ITCH: variants seen among roughly 807,000 people sequenced by gnomAD.
ITCH encodes the protein itchy E3 ubiquitin protein ligase, also known as E3 ubiquitin-protein ligase Itchy homolog.
ITCH carries 28 observed loss-of-function variants against 126.8 expected under a neutral mutation model. The observed-to-expected ratio is 0.22, with a 90% CI of 0.16 to 0.30. The LOEUF (loss-of-function observed/expected upper bound fraction) is 0.30. ITCH is among the 10% of genes least tolerant of loss of function. The pLI, the probability that ITCH is intolerant of heterozygous loss-of-function variation, is 1.00. For synonymous variants in ITCH, 342 were observed against 340.0 expected (o/e 1.01, Z -0.06); for missense variants, 631 against 1,032.4 (o/e 0.61, Z 5.33).
chr20:34,409,367 G>A (rs756084909), intron 4 of ITCH, among the ~76,000 whole-genome samples: 42 of 151,706 alleles, frequency 2.8e-4, no homozygotes, highest in Admixed American at 4.6e-4. Flanking sequence ...CAGTTTTTTA[G>A]TATTTTAAAT....
intron 2 of ITCH, among the ~76,000 whole-genome samples, chr20:34,379,218 G>T (rs1448970689): frequency 6.6e-6 from 1 of 152,022 alleles, no homozygotes; most frequent in South Asian, 2.1e-4. Context: ...GGAGAATGGG[G>T]TGTGTTCATT....
At chr20:34,389,149 T>G (rs940170909) in intron 2 of ITCH, among the ~76,000 whole-genome samples, 2 of 152,132 alleles carry the variant, frequency 1.3e-5, no homozygotes, top group Non-Finnish European at 2.9e-5. Flanking sequence ...TATTTTCAAT[T>G]GGTGTTTTTT....
intron 7 of ITCH, among the ~76,000 whole-genome samples, chr20:34,425,483 A>G (rs1453861986): frequency 1.3e-5 from 2 of 152,152 alleles, no homozygotes; most frequent in Admixed American, 6.5e-5. Flanking sequence ...GATAAGAGGA[A>G]GGTTTCTATC....
intron 20 of ITCH, among the ~76,000 whole-genome samples, chr20:34,487,345 A>G (rs1989203042): frequency 6.6e-6 from 1 of 152,080 alleles, no homozygotes; most frequent in Non-Finnish European, 1.5e-5. Flanking sequence ...TCTCTACTTT[A>G]TAATTGGAGT....
intron 16 of ITCH, among the ~76,000 whole-genome samples, 176 bp downstream of exon 16, chr20:34,471,691 TGTGTGTG>T (rs1987641846): frequency 6.8e-6 from 1 of 147,504 alleles, no homozygotes; most frequent in South Asian, 2.2e-4. Context: ...TGTGTGTGTG[TGTGTGTG>T]TGTGTGTGTG....
At chr20:34,370,235 G>T (rs1226386374) in intron 2 of ITCH, among the ~76,000 whole-genome samples, 1 of 152,030 alleles carries the variant, frequency 6.6e-6, no homozygotes, top group African/African-American at 2.4e-5. Flanking sequence ...ATTTAATCTT[G>T]CCAGACCTCA....
chr20:34,476,319 C>T (rs1369068203), intron 16 of ITCH: 29 of 1,093,560 alleles, frequency 2.7e-5, no homozygotes, highest in East Asian at 4.9e-5. Context: ...ACACGCTCAG[C>T]GGCCGGCTCG....
chr20:34,476,337 G>A (rs982762778), intron 16 of ITCH: 101 of 1,274,854 alleles, frequency 7.9e-5, no homozygotes, highest in Non-Finnish European at 1.0e-4. Flanking sequence ...TCGCCTCCGC[G>A]CTCCGGCCCG....
intron 23 of ITCH, among the ~76,000 whole-genome samples, chr20:34,499,122 C>T (rs113222154): frequency 0.016 from 2,412 of 151,764 alleles, 63 homozygotes; most frequent in African/African-American, 0.056. Flanking sequence ...CTACAGGCGC[C>T]TGCCACCATG....
At chr20:34,489,764 G>A (rs1989382719) in intron 21 of ITCH, 58 bp from the exon 22 acceptor site, 9 of 1,122,246 alleles carry the variant, frequency 8.0e-6, no homozygotes, top group Middle Eastern at 2.1e-4. Context: ...TCTTTCCTAT[G>A]TCCAGCTGTT....
At chr20:34,489,497 G>A in intron 21 of ITCH, 111 bp downstream of exon 21, 2 of 1,069,230 alleles carry the variant, frequency 1.9e-6, no homozygotes, top group Non-Finnish European at 2.8e-6. Flanking sequence ...TTTTATACTG[G>A]GGCAAAATGT....
rs1243020452 is a variant in ITCH, at chr20:34,511,653, G to C, written c.*3859G>C. Among the ~76,000 whole-genome samples, 2 of 152,202 alleles carry C rather than the reference G, an allele frequency of 1.3e-5. No individual in the cohort carries two copies. The highest frequency in any genetic ancestry group is 2.9e-5 in the Non-Finnish European group (2 of 68,032). On this transcript the variant is annotated 3_prime_UTR_variant, in exon 25 of 25. Transcript: ENST00000374864. Reference sequence around the variant, plus strand: ...GTTTATTTCTGTAACCAGGTATGGGGAGAAAGCCTGGAAATGATCCCAAGA... The same window carrying C: ...GTTTATTTCTGTAACCAGGTATGGGCAGAAAGCCTGGAAATGATCCCAAGA...
chr20:34,429,931 A>T (rs997139195), intron 7 of ITCH, among the ~76,000 whole-genome samples: 5 of 152,344 alleles, frequency 3.3e-5, no homozygotes, highest in African/African-American at 1.2e-4. Flanking sequence ...GGAGGGAAGA[A>T]GGAATTCTAA....
At chr20:34,425,424 G>A (rs561632739) in intron 7 of ITCH, among the ~76,000 whole-genome samples, 1 of 152,148 alleles carries the variant, frequency 6.6e-6, no homozygotes, top group African/African-American at 2.4e-5. Context: ...CCTGTGAAGG[G>A]TCTGTGCTGA....
At chr20:34,497,005 CT>C (rs111749955) in intron 23 of ITCH, among the ~76,000 whole-genome samples, 1 of 149,966 alleles carries the variant, frequency 6.7e-6, no homozygotes. Flanking sequence ...AATGATTGTT[CT>C]TTTTTTTTGA....
At chr20:34,394,319 T>A (rs780471980) in intron 3 of ITCH, among the ~76,000 whole-genome samples, 1 of 152,064 alleles carries the variant, frequency 6.6e-6, no homozygotes, top group Admixed American at 6.6e-5. Flanking sequence ...TATATAGATA[T>A]GTAATTTTTA....
intron 13 of ITCH, among the ~76,000 whole-genome samples, chr20:34,458,043 A>G (rs958322410): frequency 1.3e-5 from 2 of 152,184 alleles, no homozygotes; most frequent in South Asian, 4.1e-4. Context: ...CTAAGAACAG[A>G]TTAGTGATTC....
intron 7 of ITCH, among the ~76,000 whole-genome samples, chr20:34,435,208 G>C (rs1274735809): frequency 2.0e-5 from 3 of 149,618 alleles, no homozygotes; most frequent in Non-Finnish European, 4.4e-5. Context: ...TTGCTCTGTT[G>C]CCCAGGCTGG....
At chr20:34,435,098 CAA>C (rs994852469) in intron 7 of ITCH, among the ~76,000 whole-genome samples, 1 of 151,996 alleles carries the variant, frequency 6.6e-6, no homozygotes, top group African/African-American at 2.4e-5. Flanking sequence ...ACTAGGTTGT[CAA>C]AGTCATCCGT....
Sources: allele counts gnomAD v4.1 joint callset (sites outside exome capture counted in the v4.1 genomes callset), GRCh38; gene constraint gnomAD v4.1.1; transcripts MANE v1.5; gene names NCBI Gene and HGNC (gene_info 2026-07-23, HGNC 2026-07-21).